ETV1: variants seen among roughly 807,000 people sequenced by gnomAD.
The protein encoded by ETV1 is ETS variant transcription factor 1.
ETV1 carries 27 observed loss-of-function variants against 62.3 expected under a neutral mutation model. The observed-to-expected ratio is 0.43, with a 90% CI of 0.32 to 0.60. The LOEUF is 0.60. ETV1 is among the 20% of genes least tolerant of loss of function. The pLI, the probability that ETV1 is intolerant of heterozygous loss-of-function variation, is 0.06. For synonymous variants in ETV1, 222 were observed against 199.6 expected (o/e 1.11, Z -0.94); for missense variants, 605 against 605.8 (o/e 1.00, Z 0.01).
chr7:13,933,686 C>A (rs578123465), intron 8 of ETV1, among the ~76,000 whole-genome samples: 4 of 152,298 alleles, frequency 2.6e-5, no homozygotes, highest in African/African-American at 9.6e-5. Flanking sequence ...CATTTGTTGG[C>A]CAGAGCCCTC....
intron 6 of ETV1, among the ~76,000 whole-genome samples, chr7:13,973,708 T>C (rs1274797147): frequency 6.6e-6 from 1 of 152,158 alleles, no homozygotes; most frequent in Non-Finnish European, 1.5e-5. Flanking sequence ...TTTTTAAAAT[T>C]ATTGTGTGTC....
intron 12 of ETV1, chr7:13,906,224 A>T: frequency 7.5e-6 from 3 of 397,722 alleles, no homozygotes; most frequent in Non-Finnish European, 1.3e-5. Flanking sequence ...TCAATTTTGT[A>T]GGATTGTATA....
intron 13 of ETV1, among the ~76,000 whole-genome samples, chr7:13,896,744 G>GAAAGAAAGAA (rs1491122821): frequency 7.7e-3 from 27 of 3,506 alleles, no homozygotes; most frequent in Non-Finnish European, 0.023. Flanking sequence ...AGAAAGAAAG[G>GAAAGAAAGAA]AAAGAAAGAA....
intron 6 of ETV1, among the ~76,000 whole-genome samples, chr7:13,946,058 T>G (rs1788125556): frequency 6.6e-6 from 1 of 152,224 alleles, no homozygotes; most frequent in African/African-American, 2.4e-5. Flanking sequence ...TAGTTTTAAT[T>G]AAAGTGAATC....
intron 13 of ETV1, among the ~76,000 whole-genome samples, chr7:13,896,768 G>GAA (rs1162973666): frequency 0.013 from 1,981 of 149,454 alleles, 63 homozygotes; most frequent in African/African-American, 0.047. Flanking sequence ...AAGAAAGAAA[G>GAA]AAAGAAAGAA....
At chr7:13,969,016 G>C (rs181507845) in intron 6 of ETV1, among the ~76,000 whole-genome samples, 41 of 152,158 alleles carry the variant, frequency 2.7e-4, no homozygotes, top group African/African-American at 2.4e-5. Flanking sequence ...TAAAATTTTC[G>C]CTTTACTGGA....
At chr7:13,917,796 C>G (rs1250040468) in intron 9 of ETV1, among the ~76,000 whole-genome samples, 1 of 151,862 alleles carries the variant, frequency 6.6e-6, no homozygotes, top group African/African-American at 2.4e-5. Context: ...AACCCCGTCT[C>G]TACTGAAAAC....
chr7:13,926,891 A>T (rs1434857202), intron 9 of ETV1, among the ~76,000 whole-genome samples: 1 of 152,014 alleles, frequency 6.6e-6, no homozygotes, highest in African/African-American at 2.4e-5. Context: ...CTACTAACAT[A>T]CTATTTTGCA....
chr7:13,957,568 G>A (rs1789633450), intron 6 of ETV1, among the ~76,000 whole-genome samples: 1 of 152,150 alleles, frequency 6.6e-6, no homozygotes, highest in African/African-American at 2.4e-5. Context: ...ATACAATGGT[G>A]GAAACTTGCA....
At chr7:13,915,749 T>G (rs1002379926) in intron 9 of ETV1, among the ~76,000 whole-genome samples, 3 of 151,422 alleles carry the variant, frequency 2.0e-5, no homozygotes, top group Non-Finnish European at 4.4e-5. Flanking sequence ...TGAATGATAA[T>G]GGAAATAATT....
intron 9 of ETV1, among the ~76,000 whole-genome samples, chr7:13,925,120 T>C (rs1785259956): frequency 6.6e-6 from 1 of 152,176 alleles, no homozygotes; most frequent in African/African-American, 2.4e-5. Flanking sequence ...GTCCTTTATT[T>C]TCTTATTTTA....
chr7:13,950,899 A>AACACACACACACACAC (rs67539493), intron 6 of ETV1, among the ~76,000 whole-genome samples: 55 of 138,908 alleles, frequency 4.0e-4, no homozygotes, highest in Middle Eastern at 3.5e-3. Context: ...CTTCTCTAGG[A>AACACACACACACACAC]ACACACACAC....
At chr7:13,956,442 C>T (rs997022227) in intron 6 of ETV1, among the ~76,000 whole-genome samples, 4 of 152,144 alleles carry the variant, frequency 2.6e-5, no homozygotes, top group African/African-American at 9.7e-5. Context: ...AGGAACCAAG[C>T]CTTGTCTGAT....
At chr7:13,905,072 A>C (rs1218300309) in intron 12 of ETV1, among the ~76,000 whole-genome samples, 2 of 151,492 alleles carry the variant, frequency 1.3e-5, no homozygotes, top group Non-Finnish European at 2.9e-5. Context: ...GTATTGATAT[A>C]AACTGAAGGA....
rs547364022 is a variant in ETV1 at position 13,920,745 on chromosome 7, T to A, written c.803-9438A>T. Among the ~76,000 whole-genome samples, 1,204 of 152,234 alleles carry A rather than the reference T, an allele frequency of 7.9e-3. 12 individuals carry two copies. The highest frequency in any genetic ancestry group is 9.8e-3 in the South Asian group (47 of 4,820). ...AATGCCACTTACTGTAACTGTAGAT[T>A]TAGAGCATATTTAAGTATTTCTTAG... is the stretch of plus-strand genomic sequence containing the variant. On this transcript the variant is annotated intron_variant, in intron 9 of 13. Coordinates refer to ENST00000430479, the MANE Select transcript of ETV1 (RefSeq NM_004956.5).
intron 6 of ETV1, among the ~76,000 whole-genome samples, chr7:13,952,692 G>T (rs1160919344): frequency 6.6e-6 from 1 of 152,102 alleles, no homozygotes; most frequent in East Asian, 1.9e-4. Flanking sequence ...GTGGGACAGG[G>T]ACCTCCCACA....
At chr7:13,943,175 G>T (rs1026209982) in intron 6 of ETV1, among the ~76,000 whole-genome samples, 2 of 152,122 alleles carry the variant, frequency 1.3e-5, no homozygotes, top group Non-Finnish European at 2.9e-5. Flanking sequence ...CTTGAAACAG[G>T]CCAGTAGTTC....
intron 9 of ETV1, among the ~76,000 whole-genome samples, chr7:13,915,823 T>C (rs1784094907): frequency 6.6e-6 from 1 of 152,132 alleles, no homozygotes; most frequent in Non-Finnish European, 1.5e-5. Context: ...GTAATTATCT[T>C]CCAAAATAAG....
At chr7:13,947,283 G>A (rs1289119544) in intron 6 of ETV1, among the ~76,000 whole-genome samples, 2 of 150,184 alleles carry the variant, frequency 1.3e-5, no homozygotes, top group African/African-American at 4.9e-5. Flanking sequence ...ATGATGTCTT[G>A]TAAATTAAAC....
Sources: gnomAD v4.1 joint callset for allele counts (sites outside exome capture counted in the v4.1 genomes callset) on GRCh38, gnomAD v4.1.1 for gene constraint, MANE v1.5 for transcripts, NCBI Gene and HGNC (gene_info 2026-07-23, HGNC 2026-07-21) for gene names.